TBRG1: variants seen among roughly 807,000 people sequenced by gnomAD.
TBRG1 encodes the protein transforming growth factor beta regulator 1.
TBRG1 carries 31 observed loss-of-function variants against 44.0 expected under a neutral mutation model. The ratio of observed to expected loss-of-function variants is 0.70; its 90% CI spans 0.53 to 0.95. The LOEUF is 0.95. Ranked by LOEUF, TBRG1 falls within the 40% of genes least tolerant of loss-of-function variation. The pLI is 0.00. For synonymous variants in TBRG1, 171 were observed against 188.1 expected, an observed-to-expected ratio of 0.91 and a Z score of 0.74; for missense variants, 487 against 496.1, an observed-to-expected ratio of 0.98 and a Z score of 0.18.
Position 124,630,805 on chromosome 11 carries a change from A to T in TBRG1, c.897A>T (p.Pro299=). Residue 299 remains proline (P), a synonymous_variant, in exon 7 of 9, where the codon CCA becomes CCT. Coordinates refer to ENST00000441174, the MANE Select transcript of TBRG1 (RefSeq NM_032811.3). ...CTGACTTTTTTGGATTTTCTCATCC[A>T]GCCATCCACAACCTGATCCAGAGCT... ...AGADFFGFSH[P]AIHNLIQSCP... is the part of the protein sequence containing the mutation. 3.7e-6 allele frequency: 6 copies of T among 1,606,884 alleles called. No homozygotes were observed. The highest frequency in any genetic ancestry group is 5.1e-6 in the Non-Finnish European group (6 of 1,176,548).
At position 124,635,320 on chromosome 11, in the gene TBRG1, C is replaced by T. The variant is rs1942704123; in HGVS notation, c.*3082C>T. ...AACGAGTTGAATGCTAGGAAGTCCTCAGGGGAGCCAACGTTCCTTGTAAAG... is the reference window on the plus strand; with the variant it reads ...AACGAGTTGAATGCTAGGAAGTCCTTAGGGGAGCCAACGTTCCTTGTAAAG... On this transcript the variant is annotated 3_prime_UTR_variant, in exon 9 of 9. Coordinates refer to ENST00000441174, the MANE Select transcript of TBRG1 (RefSeq NM_032811.3). The T allele has an allele frequency of 6.6e-6, 1 of 152,200 alleles. No individual in the cohort carries two copies. Among genetic ancestry groups the T allele is most frequent in the African/African-American group, 2.4e-5 (1 of 41,454 alleles). 9.4% of individuals were successfully genotyped at this position (152,200 alleles called of 1,614,324 possible).
chr11:124,623,504 T>G, intron 1 of TBRG1: 2 of 508,434 alleles, frequency 3.9e-6, no homozygotes, highest in South Asian at 1.8e-5. Flanking sequence ...CAATAAATTT[T>G]AGTCATCGTT....
At position 124,635,815 on chromosome 11, in the gene TBRG1, T is replaced by G. The variant is rs749314968; in HGVS notation, c.*3577T>G. On this transcript the variant is annotated 3_prime_UTR_variant, in exon 9 of 9. Coordinates refer to ENST00000441174, the MANE Select transcript of TBRG1 (RefSeq NM_032811.3). ...ACATCACTAGTGATTATGCTTTTAT[T>G]TATTTCCAACTTCTTATAGGTAACA... 6.6e-6 allele frequency: 1 copy of G among 152,218 alleles called. No individual in the cohort carries two copies. The highest frequency in any genetic ancestry group is 2.4e-5 in the African/African-American group (1 of 41,460). The allele number at this position is 152,218 out of a possible 1,614,324, so 9.4% of individuals were successfully genotyped here.
At position 124,635,260 on chromosome 11, in the gene TBRG1, T is replaced by C. The variant is rs1361544100; in HGVS notation, c.*3022T>C. On this transcript the variant is annotated 3_prime_UTR_variant, in exon 9 of 9. Coordinates refer to ENST00000441174, the MANE Select transcript of TBRG1 (RefSeq NM_032811.3). ...CATGGTTTCTATGGGGCCAGATGCA[T>C]GAGAGGTCAAAGCATGGGCAATAGG... 1 of 152,216 alleles carries C rather than the reference T, an allele frequency of 6.6e-6. No individual in the cohort carries two copies. Among genetic ancestry groups the C allele is most frequent in the Admixed American group, 6.5e-5 (1 of 15,286 alleles). The allele number at this position is 152,216 out of a possible 1,614,324, so 9.4% of individuals were successfully genotyped here. A position where few individuals can be genotyped will look rare whatever the true frequency, so the allele number is the denominator to read the frequency against.
chr11:124,628,171 A>T (rs1439908498), intron 5 of TBRG1, among the ~76,000 whole-genome samples: 1 of 142,176 alleles, frequency 7.0e-6, no homozygotes, highest in Non-Finnish European at 1.5e-5. Flanking sequence ...TAATTCTTGT[A>T]TCTCTTTCCA....
chr11:124,632,060 C>G (rs1290453038), intron 8 of TBRG1, 33 bp from the exon 9 acceptor site: 4 of 1,609,924 alleles, frequency 2.5e-6, no homozygotes, highest in Non-Finnish European at 3.4e-6. Flanking sequence ...GACTCCCGAG[C>G]AGCAGTGGAA....
At chr11:124,625,097 T>G (rs1942434741) in intron 2 of TBRG1, 96 bp downstream of exon 2, 2 of 841,566 alleles carry the variant, frequency 2.4e-6, no homozygotes, top group Middle Eastern at 2.2e-4. Flanking sequence ...TTTTTCCCAG[T>G]GGGATTGATG....
chr11:124,626,449 G>T, intron 3 of TBRG1, 24 bp from the exon 4 acceptor site: 1 of 1,509,494 alleles, frequency 6.6e-7, no homozygotes, highest in South Asian at 1.3e-5. Context: ...GCCTAAAGTG[G>T]GTGACCCCAG....
chr11:124,631,323 A>T lies in TBRG1; in HGVS notation c.996A>T (p.Leu332=). Residue 332 remains leucine (L), a synonymous_variant, in exon 8 of 9, where the codon CTA becomes CTT. Coordinates refer to ENST00000441174, the MANE Select transcript of TBRG1 (RefSeq NM_032811.3). ...TGTGCAAACCTGGAGATGGGCAGCT[A>T]CCTGAGGGGCTGCCGGAGAATGATG... The part of the protein sequence containing the change: ...FDVCKPGDGQ[L]PEGLPENDAA... 1.2e-6 allele frequency: 2 copies of T among 1,612,302 alleles called. No individual in the cohort carries two copies. The highest frequency in any genetic ancestry group is 1.7e-6 in the Non-Finnish European group (2 of 1,179,018).
At chr11:124,624,556 A>T (rs1942414051) in intron 1 of TBRG1, among the ~76,000 whole-genome samples, 1 of 152,148 alleles carries the variant, frequency 6.6e-6, no homozygotes, top group Non-Finnish European at 1.5e-5. Flanking sequence ...TATAGTATTT[A>T]ATTTAAGCAT....
At chr11:124,630,639 A>G in intron 6 of TBRG1, 106 bp from the exon 7 acceptor site, 1 of 1,031,028 alleles carries the variant, frequency 9.7e-7, no homozygotes, top group Non-Finnish European at 1.5e-6. Context: ...CCACATTATC[A>G]AAGTCAAGAA....
chr11:124,630,767 C>A lies in TBRG1; in HGVS notation c.859C>A (p.Leu287Ile). The change falls in exon 7 of 9, where the codon CTT (leucine) becomes ATT (isoleucine). Residue 287 changes from leucine to isoleucine, a missense_variant. Coordinates refer to ENST00000441174, the MANE Select transcript of TBRG1 (RefSeq NM_032811.3). ...TAGGGGGAAACTAATGCCTAACCTG[C>A]TTCCAGCTGGAGCTGACTTTTTTGG... ...TTMGKLMPNLLPAGADFFGFS... is the reference protein window; with the variant it reads ...TTMGKLMPNLIPAGADFFGFS... 9 of 1,607,256 alleles carry A rather than the reference C, an allele frequency of 5.6e-6. No homozygotes were observed. The highest frequency in any genetic ancestry group is 7.6e-6 in the Non-Finnish European group (9 of 1,176,674).
chr11:124,632,115 TCAGCCTG>T lies in TBRG1; in HGVS notation c.1120_1126del (p.Ala374LeufsTer10), dbSNP rs752255848. On this transcript the variant is annotated frameshift_variant, in exon 9 of 9. Transcript: ENST00000441174. LOFTEE classifies it high-confidence loss of function. Reference sequence around the variant, plus strand: ...CAGGATCCTTGGACCTCCCAGAGCTTCAGCCTGCAGCCTTTGTGTCTTCTTACCAGCC... The same window carrying T: ...CAGGATCCTTGGACCTCCCAGAGCTTCAGCCTTTGTGTCTTCTTACCAGCC... The T allele has an allele frequency of 3.7e-6, 6 of 1,613,668 alleles. No homozygotes were observed. In the East Asian group the frequency reaches 1.3e-4, roughly 36 times the overall value.
In TBRG1 at chr11:124,624,985, G is replaced by C. The variant is rs1942430080; in HGVS notation, c.205G>C (p.Ala69Pro). The C allele has an allele frequency of 3.2e-6, 5 of 1,548,904 alleles. No homozygotes were observed. In the East Asian group the frequency reaches 1.2e-4, roughly 38 times the overall value. ...IARLEEKFLK[A>P]KEERRYLLKK... ...TCGTCTTGAGGAAAAATTTCTTAAAGCAAAAGAAGAAAGAAGGTGAGCTGG... is the reference window on the plus strand; with the variant it reads ...TCGTCTTGAGGAAAAATTTCTTAAACCAAAAGAAGAAAGAAGGTGAGCTGG... Residue 69 changes from alanine (A) to proline (P), a missense_variant, in exon 2 of 9, where the codon GCA (alanine) becomes CCA (proline). Physicochemically the swap from Ala to Pro is conservative, Grantham distance 27. Coordinates refer to ENST00000441174, the MANE Select transcript of TBRG1 (RefSeq NM_032811.3).
chr11:124,629,432 A>T (rs1942562967), intron 5 of TBRG1, among the ~76,000 whole-genome samples: 1 of 152,250 alleles, frequency 6.6e-6, no homozygotes, highest in Non-Finnish European at 1.5e-5. Context: ...TTAGAATCTT[A>T]ACCTGGCAAG....
In TBRG1 at chr11:124,633,121, T is replaced by G. The variant is rs1942648297; in HGVS notation, c.*883T>G. On this transcript the variant is annotated 3_prime_UTR_variant, in exon 9 of 9. Coordinates refer to ENST00000441174, the MANE Select transcript of TBRG1 (RefSeq NM_032811.3). Reference sequence around the variant, plus strand: ...TTTTGCACATCCTTCAAGGGGATCTTTAACCTCTTTAACCTTTGTATTGCA... The same window carrying G: ...TTTTGCACATCCTTCAAGGGGATCTGTAACCTCTTTAACCTTTGTATTGCA... 1 of 136,684 alleles carries G rather than the reference T, an allele frequency of 7.3e-6. No homozygotes were observed. The highest frequency in any genetic ancestry group is 1.5e-5 in the Non-Finnish European group (1 of 67,304). The allele number at this position is 136,684 out of a possible 1,614,324, so 8.5% of individuals were successfully genotyped here. A position where few individuals can be genotyped will look rare whatever the true frequency, so the allele number is the denominator to read the frequency against.
chr11:124,628,707 G>C (rs770858725), intron 5 of TBRG1, among the ~76,000 whole-genome samples: 2 of 152,084 alleles, frequency 1.3e-5, no homozygotes, highest in Admixed American at 6.5e-5. Context: ...ACAAGTACAC[G>C]TTAGTAGGAG....
rs1318904839 is a variant in TBRG1 at position 124,635,444 on chromosome 11, A to AG, written c.*3210dup. On this transcript the variant is annotated 3_prime_UTR_variant, in exon 9 of 9. Transcript: ENST00000441174. ...ACCAGAACCCCTTGGAACTCTACAG[A>AG]GGGGTAGAACTAAAGCAAAAACCAT... The AG allele has an allele frequency of 6.6e-6, 1 of 152,184 alleles. No homozygotes were observed. Among genetic ancestry groups the AG allele is most frequent in the African/African-American group, 2.4e-5 (1 of 41,432 alleles). 9.4% of individuals were successfully genotyped at this position (152,184 alleles called of 1,614,324 possible).
chr11:124,626,791 T>G (rs1942482805), intron 4 of TBRG1, 113 bp from the exon 5 acceptor site: 1 of 1,506,682 alleles, frequency 6.6e-7, no homozygotes, highest in East Asian at 2.5e-5. Context: ...TCTGTCTTTG[T>G]GTGATTTGTC....
Sources: gnomAD v4.1 joint callset for allele counts (sites outside exome capture counted in the v4.1 genomes callset) on GRCh38, gnomAD v4.1.1 for gene constraint, MANE v1.5 for transcripts, NCBI Gene and HGNC (gene_info 2026-07-23, HGNC 2026-07-21) for gene names.